Variants in SLC25A26 observed in about 807,000 individuals in gnomAD.
The protein encoded by SLC25A26 is mitochondrial S-adenosylmethionine carrier protein.
SLC25A26 carries 36 observed loss-of-function variants against 37.8 expected under a neutral mutation model. The observed-to-expected ratio is 0.95, with a 90% CI of 0.73 to 1.26. The LOEUF is 1.26. SLC25A26 is among the 50% of genes most tolerant of loss of function. The pLI, the probability that SLC25A26 is intolerant of heterozygous loss-of-function variation, is 0.00. For synonymous variants in SLC25A26, 129 were observed against 122.5 expected (o/e 1.05, Z -0.35); for missense variants, 390 against 331.1 (o/e 1.18, Z -1.38).
intron 5 of SLC25A26, among the ~76,000 whole-genome samples, chr3:66,301,859 C>A (rs1051948614): frequency 6.6e-6 from 1 of 152,124 alleles, no homozygotes; most frequent in African/African-American, 2.4e-5. Flanking sequence ...CAGTACTTAG[C>A]CATGTGGCCT....
chr3:66,138,030 C>A (rs1222181852), intron 1 of SLC25A26, among the ~76,000 whole-genome samples: 3 of 151,950 alleles, frequency 2.0e-5, no homozygotes, highest in African/African-American at 7.2e-5. Flanking sequence ...GACGGGGTTT[C>A]ACTATGTTGG....
At chr3:66,211,955 T>TAAC (rs1489575092) in intron 1 of SLC25A26, among the ~76,000 whole-genome samples, 139 of 152,348 alleles carry the variant, frequency 9.1e-4, no homozygotes, top group African/African-American at 3.2e-3. Flanking sequence ...TGATACTCTG[T>TAAC]AACAATCTCC....
At chr3:66,321,063 A>T (rs1026055889) in intron 5 of SLC25A26, among the ~76,000 whole-genome samples, 5 of 152,136 alleles carry the variant, frequency 3.3e-5, no homozygotes, top group African/African-American at 1.2e-4. Flanking sequence ...TAGCATCTTT[A>T]TAAAAAACAC....
At chr3:66,272,229 G>C (rs539335527) in intron 5 of SLC25A26, among the ~76,000 whole-genome samples, 1 of 152,098 alleles carries the variant, frequency 6.6e-6, no homozygotes, top group African/African-American at 2.4e-5. Flanking sequence ...TGGTAAGTTT[G>C]TGGTTGGCCC....
At chr3:66,178,054 G>A (rs2106748059) in intron 1 of SLC25A26, among the ~76,000 whole-genome samples, 1 of 152,302 alleles carries the variant, frequency 6.6e-6, no homozygotes, top group South Asian at 2.1e-4. Context: ...CAGCTCGTGG[G>A]AATTGGAAAA....
intron 5 of SLC25A26, among the ~76,000 whole-genome samples, chr3:66,284,004 C>T (rs1475455265): frequency 1.3e-5 from 2 of 152,110 alleles, no homozygotes; most frequent in Non-Finnish European, 2.9e-5. Context: ...TGTGTCTTCA[C>T]TTTTTTATGC....
intron 3 of SLC25A26, among the ~76,000 whole-genome samples, chr3:66,247,549 A>G (rs1446998712): frequency 6.6e-6 from 1 of 152,194 alleles, no homozygotes; most frequent in Non-Finnish European, 1.5e-5. Context: ...GGCTTCAAGC[A>G]GTTCTTCCAC....
chr3:66,135,421 C>G (rs1309254964), intron 1 of SLC25A26, among the ~76,000 whole-genome samples: 2 of 152,096 alleles, frequency 1.3e-5, no homozygotes, highest in Non-Finnish European at 2.9e-5. Context: ...TAGTTAATCA[C>G]AGTATTACAG....
chr3:66,345,576 T>C (rs1347175557), intron 5 of SLC25A26, among the ~76,000 whole-genome samples: 1 of 151,126 alleles, frequency 6.6e-6, no homozygotes, highest in East Asian at 2.0e-4. Flanking sequence ...CTCTCCACTT[T>C]CTTTCCTTTT....
At position 66,263,372 on chromosome 3, in the gene SLC25A26, T is replaced by C; in HGVS notation, c.446T>C (p.Leu149Ser). 1 of 1,607,662 alleles carries C rather than the reference T, an allele frequency of 6.2e-7. No individual in the cohort carries two copies. The highest frequency in any genetic ancestry group is 8.5e-7 in the Non-Finnish European group (1 of 1,175,084). ...TATCGAGGCTATAAAAGCACAGTTT[T>C]AAGAGAGGTAAGTCACTTACTTTCC... ...GLYRGYKSTV[L>S]REIPFSLVQF... The change falls in exon 5 of 10, where the codon TTA becomes TCA. Residue 149 changes from leucine (L) to serine (S), a missense_variant. By Grantham distance (145) the Leu-to-Ser change is moderately radical. Transcript: ENST00000354883.
chr3:66,145,174 T>G (rs888001222), intron 1 of SLC25A26, among the ~76,000 whole-genome samples: 2 of 152,098 alleles, frequency 1.3e-5, no homozygotes, highest in Non-Finnish European at 2.9e-5. Context: ...TATTAGAAGC[T>G]ATGAGAGAGG....
At chr3:66,200,388 C>T (rs1344857760) in intron 1 of SLC25A26, among the ~76,000 whole-genome samples, 1 of 152,222 alleles carries the variant, frequency 6.6e-6, no homozygotes, top group African/African-American at 2.4e-5. Context: ...TGGTGGGTGG[C>T]ACAGCATACA....
At chr3:66,286,997 T>TA (rs1483822781) in intron 5 of SLC25A26, among the ~76,000 whole-genome samples, 1 of 151,866 alleles carries the variant, frequency 6.6e-6, no homozygotes, top group African/African-American at 2.4e-5. Flanking sequence ...ATGGCTATCT[T>TA]AAAAAAGTCT....
chr3:66,285,275 T>C (rs963049757), intron 5 of SLC25A26, among the ~76,000 whole-genome samples: 1 of 151,966 alleles, frequency 6.6e-6, no homozygotes, highest in Non-Finnish European at 1.5e-5. Context: ...TTATTATTTT[T>C]TTTAAAAAAC....
intron 5 of SLC25A26, among the ~76,000 whole-genome samples, chr3:66,297,469 C>G (rs1184370683): frequency 6.6e-6 from 1 of 151,974 alleles, no homozygotes; most frequent in Non-Finnish European, 1.5e-5. Context: ...TGTTCTTTAT[C>G]AAAATATTAC....
chr3:66,300,473 T>G (rs968100364), intron 5 of SLC25A26, among the ~76,000 whole-genome samples: 1 of 152,184 alleles, frequency 6.6e-6, no homozygotes, highest in African/African-American at 2.4e-5. Context: ...TATTTCAAAT[T>G]ACCTTTTCCT....
At chr3:66,342,741 A>G (rs897576336) in intron 5 of SLC25A26, among the ~76,000 whole-genome samples, 9 of 152,120 alleles carry the variant, frequency 5.9e-5, no homozygotes, top group African/African-American at 1.7e-4. Context: ...GAATCCTCAC[A>G]TGCACTCTTG....
intron 1 of SLC25A26, among the ~76,000 whole-genome samples, chr3:66,189,999 G>A (rs2070906302): frequency 6.6e-6 from 1 of 151,934 alleles, no homozygotes; most frequent in Admixed American, 6.6e-5. Context: ...TTTGATATGT[G>A]GTCTCCCTCA....
At chr3:66,291,846 G>A (rs2074721208) in intron 5 of SLC25A26, among the ~76,000 whole-genome samples, 1 of 152,168 alleles carries the variant, frequency 6.6e-6, no homozygotes, top group Admixed American at 6.5e-5. Context: ...TTCAAGTCCT[G>A]AATATCCTTG....
Sources: allele counts gnomAD v4.1 joint callset (sites outside exome capture counted in the v4.1 genomes callset), GRCh38; gene constraint gnomAD v4.1.1; transcripts MANE v1.5; gene names NCBI Gene and HGNC (gene_info 2026-07-23, HGNC 2026-07-21).